Variants in ITGB3 observed in about 807,000 individuals in gnomAD.
ITGB3 encodes the protein integrin beta-3.
A neutral mutation model predicts 85.8 loss-of-function variants in ITGB3; 48 were observed. That is an observed-to-expected ratio of 0.56 (90% confidence interval 0.44 to 0.71). The LOEUF (loss-of-function observed/expected upper bound fraction) is 0.71, where lower values mean the gene tolerates loss of function less well. Ranked by LOEUF, ITGB3 falls within the 30% of genes least tolerant of loss-of-function variation. The pLI, the probability that ITGB3 is intolerant of heterozygous loss-of-function variation, is 0.00. For missense variants in ITGB3, 861 were observed against 1,019.1 expected (o/e 0.84, Z 2.11); for synonymous variants, 363 against 395.6 (o/e 0.92, Z 0.98).
chr17:47,286,926 A>G, intron 5 of ITGB3, 144 bp from the exon 6 acceptor site: 1 of 743,778 alleles, frequency 1.3e-6, no homozygotes. Flanking sequence ...GGTTCCAAGG[A>G]CTGGGACTGA....
At chr17:47,285,279 G>A (rs117624102) in intron 4 of ITGB3, among the ~76,000 whole-genome samples, 2,283 of 152,284 alleles carry the variant, frequency 0.015, 26 homozygotes, top group South Asian at 0.047. Flanking sequence ...TTACAATGCT[G>A]GTTGCTGAGC....
intron 1 of ITGB3, among the ~76,000 whole-genome samples, chr17:47,258,689 C>A (rs2064998912): frequency 6.6e-6 from 1 of 152,132 alleles, no homozygotes; most frequent in Admixed American, 6.5e-5. Context: ...GCAATCTGCC[C>A]ACCTCGGCCT....
chr17:47,261,032 C>T (rs2065007260), intron 1 of ITGB3, among the ~76,000 whole-genome samples: 1 of 152,164 alleles, frequency 6.6e-6, no homozygotes, highest in African/African-American at 2.4e-5. Context: ...CGGTTATTAA[C>T]TATAGTCACC....
In ITGB3 at chr17:47,289,795, T is replaced by C. The variant is rs745516301; in HGVS notation, c.1035+19T>C. The stretch of plus-strand genomic sequence containing the variant: ...CTATCAGGTGACTGTGCCTTCGGGC[T>C]TCCTGGAGTGGGCCCTGTGATGGTG... On this transcript the variant is annotated intron_variant, in intron 7 of 14. Transcript: ENST00000559488. 54 of 1,579,924 alleles carry C rather than the reference T, an allele frequency of 3.4e-5. No individual in the cohort carries two copies. The East Asian group carries it at 1.2e-3, about 35-fold the overall frequency.
chr17:47,289,612 A>C, intron 6 of ITGB3, 69 bp from the exon 7 acceptor site: 2 of 1,116,694 alleles, frequency 1.8e-6, no homozygotes, highest in Non-Finnish European at 1.4e-6. Flanking sequence ...AAGCAAGATA[A>C]GTTCTAAGCT....
At position 47,286,395 on chromosome 17, in the gene ITGB3, T is replaced by C; in HGVS notation, c.750T>C (p.Asp250=). 1 of 1,614,188 alleles carries C rather than the reference T, an allele frequency of 6.2e-7. No individual in the cohort carries two copies. The highest frequency in any genetic ancestry group is 8.5e-7 in the Non-Finnish European group (1 of 1,180,026). ...GAGATGCCCCAGAGGGTGGCTTTGA[T>C]GCCATCATGCAGGCTACAGTCTGTG... The part of the protein sequence containing the change: ...RNRDAPEGGF[D]AIMQATVCDE... The change falls in exon 5 of 15, where the codon GAT becomes GAC. Residue 250 remains aspartate, a synonymous_variant. Transcript: ENST00000559488.
chr17:47,290,316 C>A, intron 8 of ITGB3, 42 bp downstream of exon 8: 1 of 1,523,536 alleles, frequency 6.6e-7, no homozygotes, highest in Non-Finnish European at 9.1e-7. Context: ...GAGAGTCCAC[C>A]TCATTTGGCT....
intron 12 of ITGB3, 53 bp from the exon 13 acceptor site, chr17:47,302,668 C>T (rs1170803872): frequency 3.1e-6 from 5 of 1,611,136 alleles, no homozygotes; most frequent in Non-Finnish European, 4.2e-6. Context: ...TGGAGTGGTC[C>T]CATCTTCCAG....
At chr17:47,308,746 G>T (rs185690194) in intron 14 of ITGB3, among the ~76,000 whole-genome samples, 1 of 152,054 alleles carries the variant, frequency 6.6e-6, no homozygotes. Flanking sequence ...GTGATCACCC[G>T]CCTCGGCCTC....
Position 47,286,330 on chromosome 17 carries a change from T to C in ITGB3, c.685T>C (p.Phe229Leu). 6.2e-7 allele frequency: 1 copy of C among 1,614,134 alleles called. No individual in the cohort carries two copies. Among genetic ancestry groups the C allele is most frequent in the Non-Finnish European group, 8.5e-7 (1 of 1,180,030 alleles). The change falls in exon 5 of 15, where the codon TTC becomes CTC. Residue 229 changes from phenylalanine (F) to leucine (L), a missense_variant. Phe to Leu is a conservative substitution (Grantham distance 22). Transcript: ENST00000559488. ...VLTLTDQVTR[F>L]NEEVKKQSVS... ...GACGCTAACTGACCAGGTGACCCGC[T>C]TCAATGAGGAAGTGAAGAAGCAGAG...
At chr17:47,276,007 A>G (rs1047641257) in intron 2 of ITGB3, among the ~76,000 whole-genome samples, 10 of 152,118 alleles carry the variant, frequency 6.6e-5, no homozygotes, top group Admixed American at 2.6e-4. Context: ...TTCTTTTACC[A>G]GGAAGTTGCA....
intron 1 of ITGB3, among the ~76,000 whole-genome samples, chr17:47,273,368 C>T (rs2065052093): frequency 1.3e-5 from 2 of 152,136 alleles, no homozygotes; most frequent in Admixed American, 6.5e-5. Flanking sequence ...ACATTCTGCT[C>T]CTTATATTGG....
chr17:47,307,543 C>T lies in ITGB3; in HGVS notation c.2207C>T (p.Ala736Val), dbSNP rs866605648. Residue 736 changes from alanine (A) to valine (V), a missense_variant, in exon 14 of 15, where the codon GCC becomes GTC. Transcript: ENST00000559488. ...GGGGCCATTCTGCTCATTGGCCTTG[C>T]CGCCCTGCTCATCTGGAAACTCCTC... Reference protein sequence around the residue: ...VMGAILLIGLAALLIWKLLIT... With the variant: ...VMGAILLIGLVALLIWKLLIT... 2 of 1,614,202 alleles carry T rather than the reference C, an allele frequency of 1.2e-6. No homozygotes were observed. Among genetic ancestry groups the T allele is most frequent in the Non-Finnish European group, 1.7e-6 (2 of 1,180,046 alleles).
At chr17:47,307,900 G>A (rs560901963) in intron 14 of ITGB3, among the ~76,000 whole-genome samples, 190 of 152,102 alleles carry the variant, frequency 1.2e-3, no homozygotes, top group African/African-American at 4.2e-3. Context: ...GCCTGGTGGC[G>A]CGTGCCTGTA....
chr17:47,265,717 A>G (rs1240888667), intron 1 of ITGB3, among the ~76,000 whole-genome samples: 2 of 152,240 alleles, frequency 1.3e-5, no homozygotes, highest in African/African-American at 4.8e-5. Context: ...CTTATAACAC[A>G]TTTTAATATT....
intron 1 of ITGB3, chr17:47,259,507 C>G (rs1190657627): frequency 6.6e-6 from 1 of 151,998 alleles, no homozygotes; most frequent in African/African-American, 2.4e-5. Context: ...TGAGTTAGTT[C>G]AATTTCTTAG....
intron 6 of ITGB3, among the ~76,000 whole-genome samples, chr17:47,288,441 A>G (rs904990937): frequency 3.3e-5 from 5 of 152,246 alleles, no homozygotes; most frequent in Non-Finnish European, 5.9e-5. Flanking sequence ...AGAAATTACT[A>G]TAAGCCATAA....
intron 10 of ITGB3, among the ~76,000 whole-genome samples, chr17:47,295,775 C>A (rs145018566): frequency 2.2e-5 from 2 of 90,260 alleles, no homozygotes; most frequent in Admixed American, 1.5e-4. Context: ...GGCCGGGGGG[C>A]GGGTGGGGGG....
In ITGB3 at chr17:47,313,351, T is replaced by C. The variant is rs529086024; in HGVS notation, c.*3147T>C. Reference sequence around the variant, plus strand: ...TTCCTGGTTGAAATTTCTTTTCTTTTTTTTTTTTTTTTTGAGACAGAGTCT... The same window carrying C: ...TTCCTGGTTGAAATTTCTTTTCTTTCTTTTTTTTTTTTTGAGACAGAGTCT... On this transcript the variant is annotated 3_prime_UTR_variant, in exon 15 of 15. Coordinates refer to ENST00000559488, the MANE Select transcript of ITGB3 (RefSeq NM_000212.3). Among the ~76,000 whole-genome samples the C allele has an allele frequency of 7.3e-4, 108 of 148,684 alleles. 2 individuals carry two copies. Among genetic ancestry groups the C allele is most frequent in the African/African-American group, 2.6e-3 (107 of 40,716 alleles).
Sources: allele counts gnomAD v4.1 joint callset (sites outside exome capture counted in the v4.1 genomes callset), GRCh38; gene constraint gnomAD v4.1.1; transcripts MANE v1.5; gene names NCBI Gene and HGNC (gene_info 2026-07-23, HGNC 2026-07-21).